PHLDB2: variants seen among roughly 807,000 people sequenced by gnomAD.
PHLDB2 encodes the protein pleckstrin homology-like domain family B member 2.
In PHLDB2, 71 loss-of-function variants were observed where a neutral mutation model predicts 123.6. The ratio of observed to expected loss-of-function variants is 0.57; its 90% CI spans 0.47 to 0.70. PHLDB2 has a LOEUF of 0.70. Ranked by LOEUF, PHLDB2 falls within the 30% of genes least tolerant of loss-of-function variation. PHLDB2 has a pLI of 0.00. For synonymous variants in PHLDB2, 547 were observed against 541.6 expected (o/e 1.01, Z -0.14); for missense variants, 1,446 against 1,519.5 (o/e 0.95, Z 0.80).
intron 1 of PHLDB2, among the ~76,000 whole-genome samples, chr3:111,757,255 G>A (rs1264456352): frequency 6.6e-6 from 1 of 152,128 alleles, no homozygotes; most frequent in Non-Finnish European, 1.5e-5. Context: ...TTCCAACTTG[G>A]TTCCATTCTC....
intron 1 of PHLDB2, among the ~76,000 whole-genome samples, chr3:111,770,956 T>TTGGGTAGGG (rs2060166317): frequency 6.6e-6 from 1 of 151,704 alleles, no homozygotes; most frequent in African/African-American, 2.4e-5. Flanking sequence ...ATGAGGCAGC[T>TTGGGTAGGG]TGAGGAGAGA....
At chr3:111,876,063 A>G (rs955416003) in intron 1 of PHLDB2, among the ~76,000 whole-genome samples, 4 of 152,076 alleles carry the variant, frequency 2.6e-5, no homozygotes, top group African/African-American at 7.2e-5. Context: ...GTCCATTGTT[A>G]TTGTTATTAT....
intron 12 of PHLDB2, among the ~76,000 whole-genome samples, chr3:111,956,433 C>T (rs1471288192): frequency 6.6e-6 from 1 of 152,132 alleles, no homozygotes; most frequent in Non-Finnish European, 1.5e-5. Context: ...TTCCCTTAGG[C>T]CACATTACTG....
intron 1 of PHLDB2, among the ~76,000 whole-genome samples, chr3:111,818,528 C>G (rs55842003): frequency 0.15 from 23,406 of 152,086 alleles, 2,141 homozygotes; most frequent in Non-Finnish European, 0.19. Context: ...CCTGCTTCCA[C>G]TCTCTAAGTT....
At chr3:111,811,030 C>A (rs1301983480) in intron 1 of PHLDB2, among the ~76,000 whole-genome samples, 1 of 152,160 alleles carries the variant, frequency 6.6e-6, no homozygotes, top group East Asian at 1.9e-4. Context: ...CTCAGGGAAA[C>A]ATCTTTGCTA....
At chr3:111,830,975 AAG>A (rs1289584500) in intron 1 of PHLDB2, among the ~76,000 whole-genome samples, 1 of 45,930 alleles carries the variant, frequency 2.2e-5, no homozygotes. Flanking sequence ...GAAAGAAAGA[AAG>A]AAAGAAAGAA....
intron 1 of PHLDB2, among the ~76,000 whole-genome samples, chr3:111,777,384 T>A (rs2060285183): frequency 6.6e-6 from 1 of 152,108 alleles, no homozygotes; most frequent in African/African-American, 2.4e-5. Context: ...CATAAGATAA[T>A]CCAAAATACC....
chr3:111,845,549 C>T (rs2063937859), intron 1 of PHLDB2, among the ~76,000 whole-genome samples: 6 of 151,982 alleles, frequency 3.9e-5, no homozygotes, highest in Admixed American at 3.9e-4. Context: ...TAAGCATTGT[C>T]CATTACTTGT....
intron 2 of PHLDB2, among the ~76,000 whole-genome samples, chr3:111,893,051 C>T (rs1335019956): frequency 6.6e-6 from 1 of 151,608 alleles, no homozygotes; most frequent in African/African-American, 2.4e-5. Context: ...TTTTGCTTCT[C>T]TATTTGCTTC....
intron 1 of PHLDB2, among the ~76,000 whole-genome samples, chr3:111,862,202 C>T (rs1244442725): frequency 6.6e-6 from 1 of 152,060 alleles, no homozygotes; most frequent in Non-Finnish European, 1.5e-5. Context: ...GATTTTCAAC[C>T]CTTAGCAGGG....
In PHLDB2 at chr3:111,807,096, A is replaced by G. The variant is rs1291041213; in HGVS notation, c.-48-38725A>G. The stretch of plus-strand genomic sequence containing the variant: ...TATACTAGATACAGGATACTAGAAT[A>G]GGAAAAAAATAAACCTGGTTTAGGG... On this transcript the variant is annotated intron_variant, in intron 1 of 17. Transcript: ENST00000393923. 2.0e-5 allele frequency among the ~76,000 whole-genome samples: 3 copies of G among 151,628 alleles called. No individual in the cohort carries two copies. The East Asian group carries it at 5.8e-4, about 29-fold the overall frequency.
At chr3:111,760,844 G>C (rs752554369) in intron 1 of PHLDB2, among the ~76,000 whole-genome samples, 23 of 152,130 alleles carry the variant, frequency 1.5e-4, no homozygotes, top group Non-Finnish European at 2.9e-4. Flanking sequence ...AAGTTTGGGA[G>C]AGGGGCCAGG....
intron 2 of PHLDB2, among the ~76,000 whole-genome samples, chr3:111,892,928 T>C (rs1179896545): frequency 2.0e-5 from 3 of 152,236 alleles, no homozygotes; most frequent in Non-Finnish European, 4.4e-5. Context: ...GATGCTATTT[T>C]AAAGACCAGA....
intron 2 of PHLDB2, among the ~76,000 whole-genome samples, chr3:111,900,377 C>T (rs551730222): frequency 4.6e-4 from 70 of 152,148 alleles, no homozygotes; most frequent in South Asian, 2.1e-3. Context: ...CTAGCTTTTG[C>T]TTTAAAGTGT....
intron 1 of PHLDB2, among the ~76,000 whole-genome samples, chr3:111,793,722 C>T (rs2108214026): frequency 6.6e-6 from 1 of 151,866 alleles, no homozygotes; most frequent in Middle Eastern, 3.4e-3. Flanking sequence ...ACTCTTTGGT[C>T]AGCAGGTGAT....
chr3:111,858,586 A>C (rs2064628224), upstream of PHLDB2, among the ~76,000 whole-genome samples: 1 of 152,198 alleles, frequency 6.6e-6, no homozygotes, highest in African/African-American at 2.4e-5. Flanking sequence ...CAGTGACGGT[A>C]TACTGAGTTC....
At chr3:111,817,711 T>G (rs2062155912) in intron 1 of PHLDB2, among the ~76,000 whole-genome samples, 1 of 152,192 alleles carries the variant, frequency 6.6e-6, no homozygotes, top group African/African-American at 2.4e-5. Flanking sequence ...GCCCAGCGTA[T>G]GAAAATAGGC....
At chr3:111,877,930 T>A (rs2065721377) in intron 1 of PHLDB2, among the ~76,000 whole-genome samples, 1 of 150,934 alleles carries the variant, frequency 6.6e-6, no homozygotes, top group South Asian at 2.1e-4. Context: ...GTCTATCTAG[T>A]ACCATGCTGT....
chr3:111,948,369 C>T lies in PHLDB2; in HGVS notation c.2488-563C>T, dbSNP rs2070459493. Among the ~76,000 whole-genome samples the T allele has an allele frequency of 2.0e-5, 3 of 151,972 alleles. No homozygotes were observed. In the South Asian group the frequency reaches 6.2e-4, roughly 32 times the overall value. On this transcript the variant is annotated intron_variant, in intron 9 of 17. Transcript: ENST00000431670. The stretch of plus-strand genomic sequence containing the variant: ...TTTTATTCTCATTTGGTTGAGATGC[C>T]CAAAAGCTAGAACCCACTGTAAATA...
Sources: gnomAD v4.1 joint callset for allele counts (sites outside exome capture counted in the v4.1 genomes callset) on GRCh38, gnomAD v4.1.1 for gene constraint, MANE v1.5 for transcripts, NCBI Gene and HGNC (gene_info 2026-07-23, HGNC 2026-07-21) for gene names.